ABL1: variants seen among roughly 807,000 people sequenced by gnomAD.
ABL1 encodes tyrosine-protein kinase ABL1.
ABL1 carries 11 observed loss-of-function variants against 94.7 expected under a neutral mutation model. The ratio of observed to expected loss-of-function variants is 0.12; its 90% CI spans 0.07 to 0.19. ABL1 has a LOEUF of 0.19. ABL1 is among the 10% of genes least tolerant of loss of function. The probability of loss-of-function intolerance (pLI) is 1.00; values close to 1 mark genes in which losing one functional copy is unlikely to be tolerated. For synonymous variants in ABL1, 656 were observed against 622.4 expected (o/e 1.05, Z -0.80); for missense variants, 1,082 against 1,489.4 (o/e 0.73, Z 4.50).
intron 1 of ABL1, among the ~76,000 whole-genome samples, chr9:130,803,419 G>A (rs910883870): frequency 6.6e-6 from 1 of 152,148 alleles, no homozygotes; most frequent in Non-Finnish European, 1.5e-5. Context: ...TTCTATGCAT[G>A]TTTCTGTCAT....
intron 4 of ABL1, among the ~76,000 whole-genome samples, chr9:130,871,666 A>T (rs1218673201): frequency 1.3e-5 from 2 of 152,224 alleles, no homozygotes; most frequent in African/African-American, 4.8e-5. Context: ...TCTTGTCATG[A>T]GGGTCTCTTC....
intron 1 of ABL1, among the ~76,000 whole-genome samples, chr9:130,806,204 C>T (rs1830123123): frequency 6.6e-6 from 1 of 152,160 alleles, no homozygotes. Context: ...TGTCACCATC[C>T]TTAGGAGGTA....
At chr9:130,733,836 C>T (rs1052722716) in intron 1 of ABL1, among the ~76,000 whole-genome samples, 4 of 151,938 alleles carry the variant, frequency 2.6e-5, no homozygotes, top group Admixed American at 1.3e-4. Context: ...GTGATCCGCC[C>T]GCCTCGGCCT....
At chr9:130,725,372 TTTTGTTTG>T (rs72296869) in intron 1 of ABL1, among the ~76,000 whole-genome samples, 2 of 151,492 alleles carry the variant, frequency 1.3e-5, no homozygotes, top group African/African-American at 2.4e-5. Context: ...CACTTAGTGT[TTTTGTTTG>T]TTTGTTTGTT....
intron 1 of ABL1, among the ~76,000 whole-genome samples, chr9:130,787,405 T>C (rs1291826116): frequency 1.3e-5 from 2 of 152,056 alleles, no homozygotes; most frequent in Non-Finnish European, 2.9e-5. Flanking sequence ...ATTTCCCACG[T>C]TTCCCCCCAA....
intron 1 of ABL1, among the ~76,000 whole-genome samples, chr9:130,809,215 A>G (rs1007590296): frequency 1.3e-5 from 2 of 152,086 alleles, no homozygotes; most frequent in Non-Finnish European, 2.9e-5. Flanking sequence ...CATGTGAGGA[A>G]ACCCCTTAGT....
intron 1 of ABL1, among the ~76,000 whole-genome samples, chr9:130,725,457 T>G (rs923024201): frequency 2.0e-5 from 3 of 152,214 alleles, no homozygotes; most frequent in African/African-American, 7.2e-5. Flanking sequence ...CTCGGCTCAC[T>G]GCAACCTCTG....
rs1830288443 is a variant in ABL1 at position 130,816,527 on chromosome 9, T to A, written c.137-37537T>A. On this transcript the variant is annotated intron_variant, in intron 1 of 10. Transcript: ENST00000372348. ...CCAGCCCCCAACCCCAGCATACCCA[T>A]TCCTCTTTTTTTTTTTTTGAGACAG... Among the ~76,000 whole-genome samples, 3 of 149,488 alleles carry A rather than the reference T, an allele frequency of 2.0e-5. No individual in the cohort carries two copies. The South Asian group carries it at 6.2e-4, about 31-fold the overall frequency.
chr9:130,852,678 C>CA (rs555911579), intron 1 of ABL1, among the ~76,000 whole-genome samples: 2,394 of 143,900 alleles, frequency 0.017, 24 homozygotes, highest in Middle Eastern at 0.038. Context: ...GAGCCCTGTT[C>CA]AAAAAAAAAA....
chr9:130,835,584 G>A lies in ABL1; in HGVS notation c.79+59G>A. 1 of 1,467,934 alleles carries A rather than the reference G, an allele frequency of 6.8e-7. No individual in the cohort carries two copies. The highest frequency in any genetic ancestry group is 9.3e-7 in the Non-Finnish European group (1 of 1,076,266). 90.9% of individuals were successfully genotyped at this position (1,467,934 alleles called of 1,614,324 possible). On this transcript the variant is annotated intron_variant, in intron 1 of 10. Transcript: ENST00000318560. This position sits in a 1 kb window ranked among gnomAD's most constrained non-coding sequence, Gnocchi z 4.6. ...CCGCGCGCCCTCCCGCTGCTGCTGG[G>A]CCCTTCCTAGGCCTCGCCGCCCGCG...
In ABL1 at chr9:130,813,211, C is replaced by T. The variant is rs144219250; in HGVS notation, c.137-40853C>T. ...GCTGGGCAACAGTGAGACTCCGTCT[C>T]GAAAAAAACAAACAAACAAAAGCCT... On this transcript the variant is annotated intron_variant, in intron 1 of 10. Transcript: ENST00000372348. Among the ~76,000 whole-genome samples the T allele has an allele frequency of 2.0e-5, 3 of 149,144 alleles. No homozygotes were observed. The Admixed American group carries it at 2.0e-4, about 10-fold the overall frequency.
chr9:130,881,962 G>A (rs1831463683), intron 10 of ABL1, among the ~76,000 whole-genome samples: 3 of 152,104 alleles, frequency 2.0e-5, no homozygotes, highest in South Asian at 4.2e-4. Context: ...GGAGTAGAGT[G>A]CGTATGTTAT....
Position 130,887,183 on chromosome 9 carries a change from C to T in ABL1, c.*1500C>T, listed in dbSNP as rs572770183. Reference sequence around the variant, plus strand: ...ACCTTCCCACCCCTTCATACCGCCTCGTGCCAGCAGCCTCGCACAGGCCCT... The same window carrying T: ...ACCTTCCCACCCCTTCATACCGCCTTGTGCCAGCAGCCTCGCACAGGCCCT... On this transcript the variant is annotated 3_prime_UTR_variant, in exon 11 of 11. Coordinates refer to ENST00000318560, the MANE Select transcript of ABL1 (RefSeq NM_005157.6). 2.2e-4 allele frequency: 52 copies of T among 233,270 alleles called. No homozygotes were observed. Among genetic ancestry groups the T allele is most frequent in the East Asian group, 6.6e-4 (11 of 16,576 alleles). 14.5% of individuals were successfully genotyped at this position (233,270 alleles called of 1,614,324 possible). A position where few individuals can be genotyped will look rare whatever the true frequency, so the allele number is the denominator to read the frequency against.
chr9:130,737,633 A>G (rs1831760603), intron 1 of ABL1, among the ~76,000 whole-genome samples: 1 of 152,014 alleles, frequency 6.6e-6, no homozygotes, highest in Admixed American at 6.6e-5. Context: ...GGTCCAGACT[A>G]CGTTTCAGGG....
At chr9:130,743,550 A>G (rs1324363465) in intron 1 of ABL1, among the ~76,000 whole-genome samples, 3 of 152,304 alleles carry the variant, frequency 2.0e-5, no homozygotes, top group South Asian at 2.1e-4. Context: ...GTTTGAATGC[A>G]TTGGTCAGGT....
At chr9:130,807,668 TTA>T (rs35665086) in intron 1 of ABL1, among the ~76,000 whole-genome samples, 69,044 of 112,900 alleles carry the variant, frequency 0.61, 21,169 homozygotes, top group East Asian at 0.77. Context: ...TTCCTTAATT[TTA>T]TATATATATA....
intron 1 of ABL1, among the ~76,000 whole-genome samples, chr9:130,838,761 G>A (rs1046151878): frequency 1.3e-5 from 2 of 151,982 alleles, no homozygotes; most frequent in Admixed American, 6.6e-5. Flanking sequence ...TTGAATTCAG[G>A]GTTTTCTTTT....
At chr9:130,723,957 G>A (rs1588210854) in intron 1 of ABL1, among the ~76,000 whole-genome samples, 5 of 151,762 alleles carry the variant, frequency 3.3e-5, no homozygotes, top group African/African-American at 9.7e-5. Flanking sequence ...GACTACAGGC[G>A]CCCGCCACCA....
chr9:130,845,854 C>G (rs534651997), intron 1 of ABL1, among the ~76,000 whole-genome samples: 1 of 146,894 alleles, frequency 6.8e-6, no homozygotes, highest in Non-Finnish European at 1.5e-5. Flanking sequence ...GAGCAAAACT[C>G]TATCTAAAAA....
Sources: allele counts gnomAD v4.1 joint callset (sites outside exome capture counted in the v4.1 genomes callset), GRCh38; gene constraint gnomAD v4.1.1; non-coding constraint Gnocchi (gnomAD v3.1); transcripts MANE v1.5; gene names NCBI Gene and HGNC (gene_info 2026-07-23, HGNC 2026-07-21).